Variants in NEBL observed in about 807,000 individuals in gnomAD.
NEBL encodes the protein LIM and SH3 protein 2.
NEBL carries 122 observed loss-of-function variants against 140.2 expected under a neutral mutation model. The ratio of observed to expected loss-of-function variants is 0.87; its 90% confidence interval spans 0.75 to 1.01. The LOEUF (loss-of-function observed/expected upper bound fraction) is 1.01, where lower values mean the gene tolerates loss of function less well. NEBL is among the 50% of genes least tolerant of loss of function. The pLI is 0.00. For synonymous variants in NEBL, 436 were observed against 398.9 expected, an observed-to-expected ratio of 1.09 and a Z score of -1.11; for missense variants, 1,365 against 1,231.3, an observed-to-expected ratio of 1.11 and a Z score of -1.62.
intron 3 of NEBL, among the ~76,000 whole-genome samples, chr10:21,010,530 G>A (rs7896773): frequency 0.19 from 28,786 of 150,860 alleles, 4,545 homozygotes; most frequent in East Asian, 0.54. Flanking sequence ...CTGGGATTAC[G>A]GGCATGAGCC....
intron 2 of NEBL, among the ~76,000 whole-genome samples, chr10:21,094,267 C>G (rs1257047386): frequency 6.6e-6 from 1 of 151,980 alleles, no homozygotes; most frequent in African/African-American, 2.4e-5. Flanking sequence ...CTTTGGGAGG[C>G]CGAGGTGGGC....
chr10:21,244,083 A>G (rs1273862873), intron 3 of NEBL, among the ~76,000 whole-genome samples: 2 of 152,194 alleles, frequency 1.3e-5, no homozygotes, highest in South Asian at 4.1e-4. Context: ...AAAAATAATA[A>G]TGAAAATCAG....
At chr10:21,247,826 C>G (rs904033262) in intron 3 of NEBL, 1 of 179,304 alleles carries the variant, frequency 5.6e-6, no homozygotes, top group African/African-American at 2.4e-5. Flanking sequence ...AGTTTAATTT[C>G]CTAGATATGT....
At chr10:20,948,001 C>T (rs1835263814) in intron 4 of NEBL, among the ~76,000 whole-genome samples, 1 of 152,196 alleles carries the variant, frequency 6.6e-6, no homozygotes, top group Non-Finnish European at 1.5e-5. Flanking sequence ...ATGTATAAAT[C>T]TCATAATGTT....
In NEBL at chr10:20,857,521, TCAAA is replaced by T. The variant is rs1843200077; in HGVS notation, c.903+715_903+718del. Among the ~76,000 whole-genome samples the T allele has an allele frequency of 2.6e-5, 4 of 152,214 alleles. No homozygotes were observed. The South Asian group carries it at 8.3e-4, about 32-fold the overall frequency. On this transcript the variant is annotated intron_variant, in intron 9 of 27. Transcript: ENST00000377122. ...AAATAGGTATGGAAATAACTTATGG[TCAAA>T]TAAGAGCTCATTGCCACCATGAGAT...
At chr10:20,947,415 C>T (rs1589057722) in intron 4 of NEBL, among the ~76,000 whole-genome samples, 1 of 152,272 alleles carries the variant, frequency 6.6e-6, no homozygotes, top group East Asian at 1.9e-4. Flanking sequence ...TCAAACTCAC[C>T]TGCTCCCCTC....
At chr10:21,149,886 A>G (rs1226203375) in intron 2 of NEBL, among the ~76,000 whole-genome samples, 1 of 152,182 alleles carries the variant, frequency 6.6e-6, no homozygotes, top group Non-Finnish European at 1.5e-5. Context: ...AGAACTGATC[A>G]CTTGCTTGGT....
At chr10:21,244,704 TTAAAA>T (rs1345499163) in intron 3 of NEBL, among the ~76,000 whole-genome samples, 2 of 151,196 alleles carry the variant, frequency 1.3e-5, no homozygotes, top group African/African-American at 2.4e-5. Context: ...AAATTAAAAC[TTAAAA>T]TAAAAAATAA....
intron 2 of NEBL, among the ~76,000 whole-genome samples, chr10:21,097,636 A>C (rs1350786876): frequency 6.6e-6 from 1 of 152,198 alleles, no homozygotes; most frequent in Non-Finnish European, 1.5e-5. Flanking sequence ...ATTTACAAAC[A>C]GGTTTCCATG....
At chr10:20,817,260 G>A (rs914429631) in intron 21 of NEBL, among the ~76,000 whole-genome samples, 2 of 152,126 alleles carry the variant, frequency 1.3e-5, no homozygotes, top group Non-Finnish European at 2.9e-5. Context: ...CCAGCTGCTT[G>A]GGAGGTTGAG....
At chr10:21,235,640 T>C (rs972514711) in intron 3 of NEBL, among the ~76,000 whole-genome samples, 2 of 152,208 alleles carry the variant, frequency 1.3e-5, no homozygotes, top group African/African-American at 4.8e-5. Flanking sequence ...AATTCAACAG[T>C]TGTTCTCCCA....
At chr10:21,044,728 C>G (rs1834435794) in intron 2 of NEBL, among the ~76,000 whole-genome samples, 1 of 152,124 alleles carries the variant, frequency 6.6e-6, no homozygotes, top group African/African-American at 2.4e-5. Flanking sequence ...GCTCAAATGC[C>G]CCTGCTCCGT....
intron 2 of NEBL, among the ~76,000 whole-genome samples, chr10:21,167,309 T>C (rs1452521317): frequency 6.6e-6 from 1 of 152,232 alleles, no homozygotes. Flanking sequence ...GATACTTCAC[T>C]GGATACTTCT....
chr10:20,995,304 ACAGCAG>A (rs1837625271), intron 3 of NEBL, among the ~76,000 whole-genome samples: 1 of 152,122 alleles, frequency 6.6e-6, no homozygotes, highest in East Asian at 1.9e-4. Context: ...GGGGGTGGGG[ACAGCAG>A]CTAGTGCTGT....
At chr10:21,223,060 G>A (rs1842095562) in intron 3 of NEBL, among the ~76,000 whole-genome samples, 1 of 152,178 alleles carries the variant, frequency 6.6e-6, no homozygotes, top group Non-Finnish European at 1.5e-5. Flanking sequence ...ATCGCGCCTG[G>A]CTCTTTTAGT....
chr10:21,246,958 A>T (rs150077164), intron 3 of NEBL, among the ~76,000 whole-genome samples: 138 of 152,278 alleles, frequency 9.1e-4, no homozygotes, highest in African/African-American at 3.2e-3. Context: ...AGGTGATTGG[A>T]TCATGGGTGT....
intron 3 of NEBL, among the ~76,000 whole-genome samples, chr10:21,180,422 T>G (rs1218198008): frequency 6.6e-6 from 1 of 152,162 alleles, no homozygotes; most frequent in Admixed American, 6.5e-5. Context: ...TAAAACAAAG[T>G]GGGTAAAATT....
At chr10:20,814,332 G>GT in intron 22 of NEBL, among the ~76,000 whole-genome samples, 1 of 151,728 alleles carries the variant, frequency 6.6e-6, no homozygotes, top group Admixed American at 6.6e-5. Context: ...CCGAGGACTC[G>GT]TATCTGTAAT....
At chr10:21,270,705 C>T (rs968855159) in intron 1 of NEBL, among the ~76,000 whole-genome samples, 1 of 152,166 alleles carries the variant, frequency 6.6e-6, no homozygotes, top group African/African-American at 2.4e-5. Context: ...GATCTTATCT[C>T]ACCCCAGCAG....
Sources: allele counts gnomAD v4.1 joint callset (sites outside exome capture counted in the v4.1 genomes callset), GRCh38; gene constraint gnomAD v4.1.1; transcripts MANE v1.5; gene names NCBI Gene and HGNC (gene_info 2026-07-23, HGNC 2026-07-21).